The following TSPAN1 variants were observed in gnomAD, a reference collection of about 807,000 sequenced individuals.
The protein encoded by TSPAN1 is tetraspanin 1, also known as tetraspanin-1.
A neutral mutation model predicts 26.9 loss-of-function variants in TSPAN1; 23 were observed. The ratio of observed to expected loss-of-function variants is 0.85; its 90% CI spans 0.62 to 1.21. TSPAN1 has a LOEUF of 1.21. Ranked by LOEUF, TSPAN1 falls within the 50% of genes most tolerant of loss-of-function variation. The probability of loss-of-function intolerance (pLI) is 0.00; values close to 1 mark genes in which losing one functional copy is unlikely to be tolerated. For synonymous variants in TSPAN1, 115 were observed against 114.8 expected (o/e 1.00, Z -0.01); for missense variants, 283 against 298.4 (o/e 0.95, Z 0.38).
chr1:46,190,534 A>G, downstream of TSPAN1: 3 of 1,598,828 alleles, frequency 1.9e-6, no homozygotes, highest in Non-Finnish European at 2.6e-6. Flanking sequence ...AGGAGGGAGA[A>G]ATGGGTCAGG....
At chr1:46,189,399 G>A (rs373256026), downstream of TSPAN1, 59 of 1,613,884 alleles carry the variant, frequency 3.7e-5, no homozygotes, top group Non-Finnish European at 4.7e-5. Flanking sequence ...GAAGCCATTA[G>A]CTATATCCCT....
At position 46,185,622 on chromosome 1, in the gene TSPAN1, G is replaced by T. The variant is rs1657414695; in HGVS notation, c.*89G>T. On this transcript the variant is annotated 3_prime_UTR_variant, in exon 9 of 9. Transcript: ENST00000372003. ...CAGCAGTGATTGGGGGAGGGGACAG[G>T]ATCTAACAATGTCACTTGGGCCAGA... 1.3e-5 allele frequency: 19 copies of T among 1,464,192 alleles called. No homozygotes were observed. The South Asian group carries it at 2.2e-4, about 17-fold the overall frequency. The allele number at this position is 1,464,192 out of a possible 1,614,324, so 90.7% of individuals were successfully genotyped here. A position where few individuals can be genotyped will look rare whatever the true frequency, so the allele number is the denominator to read the frequency against.
rs1657372963 is a variant in TSPAN1, at chr1:46,184,195, G to A, written c.62G>A (p.Cys21Tyr). ...MILFNLLIFL[C>Y]GAALLAVGIW... ...GCCTGACCTCTCTCTCCCCAGCTGT[G>A]TGGTGCAGCCCTGTTGGCAGTGGGC... The change falls in exon 4 of 9, where the codon TGT becomes TAT. Residue 21 changes from cysteine to tyrosine, a missense_variant. Cys to Tyr is a radical substitution (Grantham distance 194, BLOSUM62 -2). Transcript: ENST00000372003. 1 of 1,614,182 alleles carries A rather than the reference G, an allele frequency of 6.2e-7. No homozygotes were observed. The highest frequency in any genetic ancestry group is 1.7e-5 in the Admixed American group (1 of 60,032).
At chr1:46,175,697 A>T in intron 1 of TSPAN1, 1 of 399,826 alleles carries the variant, frequency 2.5e-6, no homozygotes. Flanking sequence ...TGCCTCTTGG[A>T]TTCAGCCCCT....
chr1:46,176,112 T>C, intron 1 of TSPAN1: 1 of 1,136,846 alleles, frequency 8.8e-7, no homozygotes, highest in Non-Finnish European at 1.2e-6. Flanking sequence ...CCTGACCTTG[T>C]GATCTGCCCG....
At chr1:46,191,891 C>T in the TSPAN1 span, 1 of 693,066 alleles carries the variant, frequency 1.4e-6, no homozygotes, top group Non-Finnish European at 2.3e-6. Context: ...GCATCGGCCT[C>T]CCAAAGTGCT....
the TSPAN1 span, chr1:46,193,675 C>T: frequency 3.1e-6 from 5 of 1,613,472 alleles, no homozygotes; most frequent in Middle Eastern, 6.6e-4. Flanking sequence ...GTCACTTCAT[C>T]ACCCCTCAAC....
chr1:46,177,278 T>C lies in TSPAN1; in HGVS notation c.-142+1869T>C, dbSNP rs867619411. ...TGAACCCAGGAGGTGGAGATTGCAG[T>C]GAGCCCAGATTGCACCATTGCACTC... is the stretch of plus-strand genomic sequence containing the variant. On this transcript the variant is annotated intron_variant, in intron 1 of 8. Coordinates refer to ENST00000372003, the MANE Select transcript of TSPAN1 (RefSeq NM_005727.4). 3.3e-5 allele frequency among the ~76,000 whole-genome samples: 5 copies of C among 151,782 alleles called. No individual in the cohort carries two copies. In the Middle Eastern group the frequency reaches 0.01, roughly 310 times the overall value.
intron 4 of TSPAN1, 46 bp downstream of exon 4, chr1:46,184,443 G>A (rs112976153): frequency 2.1e-5 from 34 of 1,611,998 alleles, no homozygotes; most frequent in Middle Eastern, 3.3e-4. Flanking sequence ...GAGTCCCCTC[G>A]CCCTTGACAC....
intron 3 of TSPAN1, among the ~76,000 whole-genome samples, chr1:46,181,831 G>A (rs1053137659): frequency 2.0e-5 from 3 of 152,192 alleles, no homozygotes. Context: ...GCTGAAGCTG[G>A]GAAATTGCAC....
intron 1 of TSPAN1, chr1:46,175,714 A>G (rs1209631605): frequency 5.0e-6 from 2 of 399,922 alleles, no homozygotes; most frequent in Non-Finnish European, 8.8e-6. Context: ...CCCTCCCCAA[A>G]CCCTCTGCTT....
Position 46,176,094 on chromosome 1 carries a change from C to T in TSPAN1, c.-142+685C>T. On this transcript the variant is annotated intron_variant, in intron 1 of 8. Coordinates refer to ENST00000372003, the MANE Select transcript of TSPAN1 (RefSeq NM_005727.4). ...ATTTCACCGTGTTAGCCAGGATGGTCTCGATCTCCTGACCTTGTGATCTGC... is the reference window on the plus strand; with the variant it reads ...ATTTCACCGTGTTAGCCAGGATGGTTTCGATCTCCTGACCTTGTGATCTGC... The T allele has an allele frequency of 5.3e-6, 5 of 951,680 alleles. No homozygotes were observed. The South Asian group carries it at 8.2e-5, about 16-fold the overall frequency. The allele number at this position is 951,680 out of a possible 1,614,324, so 59.0% of individuals were successfully genotyped here.
chr1:46,194,438 C>T, the TSPAN1 span: 2 of 1,614,068 alleles, frequency 1.2e-6, no homozygotes, highest in Non-Finnish European at 1.7e-6. Flanking sequence ...AGGCATGGGG[C>T]CAGCAAGGTT....
chr1:46,177,732 T>A (rs1657215898), intron 1 of TSPAN1, among the ~76,000 whole-genome samples: 1 of 152,200 alleles, frequency 6.6e-6, no homozygotes, highest in African/African-American at 2.4e-5. Context: ...TTTTTTGCCT[T>A]TCTGCTCATG....
intron 4 of TSPAN1, 75 bp from the exon 5 acceptor site, chr1:46,184,519 C>CCG (rs527800949): frequency 6.4e-7 from 1 of 1,561,376 alleles, no homozygotes; most frequent in Non-Finnish European, 8.8e-7. Context: ...CTCACTTTTC[C>CCG]GGGGGGGGGA....
At chr1:46,192,741 G>A in the TSPAN1 span, 2 of 1,593,370 alleles carry the variant, frequency 1.3e-6, no homozygotes, top group Non-Finnish European at 1.7e-6. Flanking sequence ...TTCATCCACT[G>A]TACCTTCAAC....
chr1:46,195,608 GCAC>G, the TSPAN1 span: 2 of 645,842 alleles, frequency 3.1e-6, no homozygotes, highest in Admixed American at 2.1e-5. Context: ...TGTATCTTCA[GCAC>G]CCAGAGAAGT....
downstream of TSPAN1, chr1:46,188,647 C>T (rs747674266): frequency 5.8e-5 from 90 of 1,546,426 alleles, no homozygotes; most frequent in Non-Finnish European, 6.9e-5. Flanking sequence ...CCCTCCAGCA[C>T]CCCCCTGACA....
intron 3 of TSPAN1, 40 bp from the exon 4 acceptor site, chr1:46,184,151 C>T (rs1267724071): frequency 1.2e-6 from 2 of 1,606,830 alleles, no homozygotes; most frequent in African/African-American, 2.7e-5. Context: ...AAGCTACTTG[C>T]CAGCACTGTT....
Sources: gnomAD v4.1 joint callset for allele counts (sites outside exome capture counted in the v4.1 genomes callset) on GRCh38, gnomAD v4.1.1 for gene constraint, MANE v1.5 for transcripts, NCBI Gene and HGNC (gene_info 2026-07-23, HGNC 2026-07-21) for gene names.